The following TMTC4 variants were observed in gnomAD, a reference collection of about 807,000 sequenced individuals.
TMTC4 encodes transmembrane O-mannosyltransferase targeting cadherins 4.
Under a neutral mutation model 86.0 loss-of-function variants are expected in TMTC4, and 65 were observed. That is an observed-to-expected ratio of 0.76 (90% CI 0.62 to 0.93). The LOEUF (loss-of-function observed/expected upper bound fraction) is 0.93. TMTC4 is among the 40% of genes least tolerant of loss of function. The pLI, the probability that TMTC4 is intolerant of heterozygous loss-of-function variation, is 0.00. For synonymous variants in TMTC4, 379 were observed against 382.5 expected (o/e 0.99, Z 0.11); for missense variants, 866 against 948.1 (o/e 0.91, Z 1.14).
chr13:100,626,887 T>C (rs987313777), intron 12 of TMTC4, among the ~76,000 whole-genome samples: 14 of 152,140 alleles, frequency 9.2e-5, no homozygotes, highest in African/African-American at 3.1e-4. Context: ...TGTGATGGTA[T>C]TGGGAAGTAG....
intron 6 of TMTC4, among the ~76,000 whole-genome samples, chr13:100,649,135 T>C (rs1884113202): frequency 6.6e-6 from 1 of 152,210 alleles, no homozygotes; most frequent in Non-Finnish European, 1.5e-5. Context: ...GCAGTATATA[T>C]GTGCATGAAT....
At chr13:100,632,884 A>G (rs558419632) in intron 12 of TMTC4, among the ~76,000 whole-genome samples, 73 of 152,328 alleles carry the variant, frequency 4.8e-4, no homozygotes, top group Middle Eastern at 3.4e-3. Flanking sequence ...GACCTAAGAG[A>G]GAATGATCAT....
At chr13:100,667,477 G>A (rs1474740094) in intron 3 of TMTC4, among the ~76,000 whole-genome samples, 1 of 152,082 alleles carries the variant, frequency 6.6e-6, no homozygotes, top group East Asian at 1.9e-4. Context: ...AAATGATCTA[G>A]TGTGTGCCCT....
rs115418675 is a variant in TMTC4 at position 100,612,097 on chromosome 13, C to T, written c.2064+301G>A. The stretch of plus-strand genomic sequence containing the variant: ...AGTCCTCCTCCTGCACCAGCCTGCC[C>T]GGCCTCTGAGGCCAAACATTCCACA... On this transcript the variant is annotated intron_variant, in intron 17 of 18. Transcript: ENST00000342624. 3.9e-3 allele frequency among the ~76,000 whole-genome samples: 590 copies of T among 152,346 alleles called. 4 individuals carry two copies. Among genetic ancestry groups the T allele is most frequent in the African/African-American group, 0.013 (560 of 41,578 alleles).
chr13:100,666,328 G>A (rs1334683463), intron 3 of TMTC4, among the ~76,000 whole-genome samples: 2 of 152,180 alleles, frequency 1.3e-5, no homozygotes, highest in Admixed American at 1.3e-4. Context: ...GCCAATGAAC[G>A]GAGGAGTGCC....
intron 12 of TMTC4, among the ~76,000 whole-genome samples, chr13:100,631,177 C>T (rs1374766583): frequency 6.6e-6 from 1 of 152,160 alleles, no homozygotes; most frequent in African/African-American, 2.4e-5. Flanking sequence ...TGAACTAGCA[C>T]AGAAGTCGAA....
At chr13:100,641,050 AC>A (rs200162330) in intron 7 of TMTC4, among the ~76,000 whole-genome samples, 1,601 of 151,032 alleles carry the variant, frequency 0.011, 15 homozygotes, top group Non-Finnish European at 0.017. Context: ...GCCCTCCCCC[AC>A]CCCCCTGACA....
At chr13:100,618,077 A>G (rs542342434) in intron 15 of TMTC4, among the ~76,000 whole-genome samples, 3 of 152,172 alleles carry the variant, frequency 2.0e-5, no homozygotes, top group African/African-American at 7.2e-5. Flanking sequence ...ATTCCCAGGT[A>G]TTTTATCCTT....
chr13:100,673,014 G>C (rs984996141), intron 1 of TMTC4, among the ~76,000 whole-genome samples: 3 of 152,180 alleles, frequency 2.0e-5, no homozygotes, highest in South Asian at 2.1e-4. Context: ...CACAACCCAG[G>C]AGGAATGAAG....
chr13:100,648,262 T>C (rs1883996486), intron 6 of TMTC4, among the ~76,000 whole-genome samples: 1 of 152,194 alleles, frequency 6.6e-6, no homozygotes, highest in East Asian at 1.9e-4. Context: ...GTGCTTGAAA[T>C]GTATCTAGTC....
intron 12 of TMTC4, among the ~76,000 whole-genome samples, chr13:100,633,259 A>C (rs1242070930): frequency 7.2e-6 from 1 of 138,744 alleles, no homozygotes; most frequent in African/African-American, 2.6e-5. Flanking sequence ...CAGTGAGCCG[A>C]GATCAGGCCA....
At chr13:100,663,428 G>A (rs1257124405) in intron 4 of TMTC4, among the ~76,000 whole-genome samples, 1 of 152,226 alleles carries the variant, frequency 6.6e-6, no homozygotes, top group Non-Finnish European at 1.5e-5. Context: ...GAGTGGCGCT[G>A]AAGCAACTTG....
chr13:100,639,007 T>C (rs1044731219), intron 7 of TMTC4, among the ~76,000 whole-genome samples: 13 of 152,348 alleles, frequency 8.5e-5, no homozygotes, highest in Non-Finnish European at 1.5e-4. Context: ...TGGATTCTAT[T>C]CTCTCTCCTG....
intron 6 of TMTC4, among the ~76,000 whole-genome samples, chr13:100,651,077 T>C (rs1233503301): frequency 6.6e-6 from 1 of 152,218 alleles, no homozygotes; most frequent in African/African-American, 2.4e-5. Flanking sequence ...GAACTTAAAA[T>C]GGTTGTTCTA....
At chr13:100,667,508 ATAT>A (rs1391745876) in intron 3 of TMTC4, among the ~76,000 whole-genome samples, 1 of 152,202 alleles carries the variant, frequency 6.6e-6, no homozygotes, top group African/African-American at 2.4e-5. Flanking sequence ...ATCAACTGCA[ATAT>A]TATATCACAA....
chr13:100,635,170 G>C lies in TMTC4; in HGVS notation c.1228C>G (p.Leu410Val), dbSNP rs1267886247. 13 of 1,610,084 alleles carry C rather than the reference G, an allele frequency of 8.1e-6. No individual in the cohort carries two copies. Among genetic ancestry groups the C allele is most frequent in the Middle Eastern group, 1.7e-4 (1 of 5,986 alleles). Residue 410 changes from leucine to valine, a missense_variant, in exon 11 of 19, where the codon CTC (leucine) becomes GTC (valine). Physicochemically the swap from Leu to Val is conservative, Grantham distance 32. Transcript: ENST00000342624. ...CTCGCGGGGAGAAATGGGATAACGA[G>C]AAATCCCAGGCCCAGAGTAAGGATC... The part of the protein sequence containing the change: ...RRILTLGLGF[L>V]VIPFLPASNL...
chr13:100,669,211 G>A (rs1353813278), intron 2 of TMTC4, among the ~76,000 whole-genome samples: 1 of 152,208 alleles, frequency 6.6e-6, no homozygotes, highest in Non-Finnish European at 1.5e-5. Context: ...CACTGTGTGT[G>A]TGGCAGGGGA....
At chr13:100,631,994 A>G (rs1388294569) in intron 12 of TMTC4, among the ~76,000 whole-genome samples, 1 of 142,540 alleles carries the variant, frequency 7.0e-6, no homozygotes, top group East Asian at 2.0e-4. Flanking sequence ...TCTTATATGT[A>G]TTCCTTAAAT....
chr13:100,644,304 C>T (rs1424303875), intron 6 of TMTC4, among the ~76,000 whole-genome samples: 2 of 151,862 alleles, frequency 1.3e-5, no homozygotes, highest in East Asian at 1.9e-4. Context: ...GGGGTTTCAC[C>T]GTGTTAGCCA....
Sources: allele counts gnomAD v4.1 joint callset (sites outside exome capture counted in the v4.1 genomes callset), GRCh38; gene constraint gnomAD v4.1.1; transcripts MANE v1.5; gene names NCBI Gene and HGNC (gene_info 2026-07-23, HGNC 2026-07-21).